The following ANKFN1 variants were observed in gnomAD, a reference collection of about 807,000 sequenced individuals.
ANKFN1 encodes ankyrin repeat and fibronectin type III domain containing 1, also known as ankyrin repeat and fibronectin type-III domain-containing protein 1.
In ANKFN1, 74 loss-of-function variants were observed where a neutral mutation model predicts 108.7. The observed-to-expected ratio is 0.68, with a 90% CI of 0.56 to 0.83. ANKFN1 has a LOEUF of 0.83. ANKFN1 is among the 40% of genes least tolerant of loss of function. The pLI, the probability that ANKFN1 is intolerant of heterozygous loss-of-function variation, is 0.00. For synonymous variants in ANKFN1, 547 were observed against 516.2 expected (o/e 1.06, Z -0.81); for missense variants, 1,505 against 1,382.3 (o/e 1.09, Z -1.41).
At chr17:56,297,489 C>T (rs1036722944) in intron 3 of ANKFN1, among the ~76,000 whole-genome samples, 6 of 152,278 alleles carry the variant, frequency 3.9e-5, no homozygotes, top group Middle Eastern at 3.4e-3. Context: ...GCTTCCAGAA[C>T]AAGATTTTCA....
chr17:56,164,854 C>G (rs1260415750), intron 1 of ANKFN1, among the ~76,000 whole-genome samples: 1 of 152,158 alleles, frequency 6.6e-6, no homozygotes. Flanking sequence ...AAATAAAATC[C>G]AGTTCAGACT....
chr17:56,153,303 G>A (rs1908778892), upstream of ANKFN1, among the ~76,000 whole-genome samples: 1 of 152,194 alleles, frequency 6.6e-6, no homozygotes, highest in Non-Finnish European at 1.5e-5. Flanking sequence ...CACCAAGCCT[G>A]TGTGGCACTT....
intron 4 of ANKFN1, among the ~76,000 whole-genome samples, chr17:56,069,473 TC>T (rs1905096406): frequency 6.6e-6 from 1 of 152,152 alleles, no homozygotes; most frequent in Non-Finnish European, 1.5e-5. Context: ...AACTGGACAT[TC>T]CTCCTAAGCA....
chr17:56,199,418 T>G (rs1913842797), intron 1 of ANKFN1, among the ~76,000 whole-genome samples: 1 of 152,196 alleles, frequency 6.6e-6, no homozygotes, highest in Admixed American at 6.5e-5. Context: ...TTCTTTTCTC[T>G]TTTCCAATAC....
intron 4 of ANKFN1, among the ~76,000 whole-genome samples, chr17:56,066,535 ATATAT>A (rs372520239): frequency 1.3e-5 from 2 of 152,336 alleles, no homozygotes; most frequent in East Asian, 3.9e-4. Context: ...ATTAGATAAA[ATATAT>A]TATTAAAATT....
chr17:56,132,626 A>G (rs1907350097), intron 4 of ANKFN1, among the ~76,000 whole-genome samples: 1 of 152,122 alleles, frequency 6.6e-6, no homozygotes, highest in African/African-American at 2.4e-5. Flanking sequence ...ATATACTCAA[A>G]TGGGTTGCTT....
At chr17:56,056,725 A>G (rs1336835542) in intron 4 of ANKFN1, among the ~76,000 whole-genome samples, 1 of 152,272 alleles carries the variant, frequency 6.6e-6, no homozygotes, top group Non-Finnish European at 1.5e-5. Flanking sequence ...AAAATCCTAG[A>G]AGAAAACTAG....
intron 3 of ANKFN1, among the ~76,000 whole-genome samples, chr17:56,314,190 T>G (rs1281061982): frequency 6.6e-6 from 1 of 152,244 alleles, no homozygotes; most frequent in Non-Finnish European, 1.5e-5. Flanking sequence ...ATTCATGATA[T>G]TTGGGCTATT....
intron 4 of ANKFN1, among the ~76,000 whole-genome samples, chr17:56,126,616 C>A (rs1238740573): frequency 6.6e-6 from 1 of 152,126 alleles, no homozygotes; most frequent in Non-Finnish European, 1.5e-5. Flanking sequence ...CCAGGGGACA[C>A]AACAGTAGGA....
At position 56,091,257 on chromosome 17, in the gene ANKFN1, G is replaced by A. The variant is rs575652022; in HGVS notation, c.288+44932G>A. On this transcript the variant is annotated intron_variant, in intron 4 of 12. Transcript: ENST00000635860. ...AAAATGACAGACATATAATAAAAAC[G>A]TTAATCAAAACTGTAAAACACAATG... 1.7e-4 allele frequency among the ~76,000 whole-genome samples: 26 copies of A among 151,118 alleles called. 1 individual carries two copies. The South Asian group carries it at 4.4e-3, about 25-fold the overall frequency.
intron 4 of ANKFN1, among the ~76,000 whole-genome samples, chr17:56,144,184 A>ACTACTC (rs1405007617): frequency 1.3e-5 from 1 of 78,296 alleles, no homozygotes; most frequent in African/African-American, 5.4e-5. Context: ...AAAAAAAAAA[A>ACTACTC]ACAGCCCAAA....
Position 56,197,959 on chromosome 17 carries a change from A to G in ANKFN1, c.-70-14639A>G, listed in dbSNP as rs537940526. ...CAAGAGGTCGAGGCTACAGTGAACC[A>G]TGATCGTGCCACTGCACTCCAGCCT... On this transcript the variant is annotated intron_variant, in intron 1 of 20. Transcript: ENST00000682825. 2.1e-3 allele frequency among the ~76,000 whole-genome samples: 326 copies of G among 152,288 alleles called. 2 individuals are homozygous for G. Among genetic ancestry groups the G allele is most frequent in the African/African-American group, 7.4e-3 (308 of 41,564 alleles).
intron 8 of ANKFN1, among the ~76,000 whole-genome samples, chr17:56,413,901 C>A (rs1598561737): frequency 6.6e-6 from 1 of 152,088 alleles, no homozygotes; most frequent in Admixed American, 6.5e-5. Flanking sequence ...TGGTCTCGAA[C>A]TCCTGACCTC....
In ANKFN1 at chr17:56,511,163, C is replaced by G. The variant is rs1478337173; in HGVS notation, c.3335C>G (p.Pro1112Arg). 1 of 1,536,060 alleles carries G rather than the reference C, an allele frequency of 6.5e-7. No individual in the cohort carries two copies. The highest frequency in any genetic ancestry group is 1.2e-5 in the South Asian group (1 of 84,052). ...QDEKPWASLS[P>R]PSGGRITLPS... The stretch of plus-strand genomic sequence containing the variant: ...GAAAAACCATGGGCAAGCTTGAGCC[C>G]GCCCTCTGGAGGCCGCATCACCCTG... Residue 1112 changes from proline (P) to arginine (R), a missense_variant, in exon 21 of 21, where the codon CCG becomes CGG. Physicochemically the swap from Pro to Arg is moderately radical, Grantham distance 103. Transcript: ENST00000682825.
At chr17:56,471,899 G>GT (rs2050329783) in intron 15 of ANKFN1, 1 of 152,208 alleles carries the variant, frequency 6.6e-6, no homozygotes, top group South Asian at 2.1e-4. Context: ...GAGAGATAGG[G>GT]GAATGACAGC....
intron 19 of ANKFN1, among the ~76,000 whole-genome samples, chr17:56,495,371 A>C (rs913312006): frequency 6.6e-6 from 1 of 151,278 alleles, no homozygotes; most frequent in African/African-American, 2.4e-5. Context: ...CAAAATGAAA[A>C]CCAGCTGTAG....
intron 3 of ANKFN1, among the ~76,000 whole-genome samples, chr17:56,305,231 C>G (rs149081889): frequency 1.3e-5 from 2 of 152,146 alleles, no homozygotes; most frequent in East Asian, 1.9e-4. Context: ...GTAACCACCC[C>G]CATGATTAAA....
intron 1 of ANKFN1, among the ~76,000 whole-genome samples, chr17:56,186,301 T>C (rs1912199975): frequency 6.6e-6 from 1 of 151,722 alleles, no homozygotes; most frequent in African/African-American, 2.4e-5. Flanking sequence ...TTCTTGAGCA[T>C]ATAAAAATAA....
intron 19 of ANKFN1, among the ~76,000 whole-genome samples, chr17:56,492,907 G>T (rs2051087819): frequency 6.6e-6 from 1 of 152,100 alleles, no homozygotes; most frequent in South Asian, 2.1e-4. Context: ...ACACCTCAGG[G>T]TCTTGTGAAA....
Sources: allele counts gnomAD v4.1 joint callset (sites outside exome capture counted in the v4.1 genomes callset), GRCh38; gene constraint gnomAD v4.1.1; transcripts MANE v1.5; gene names NCBI Gene and HGNC (gene_info 2026-07-23, HGNC 2026-07-21).